SLC26A11: variants seen among roughly 807,000 people sequenced by gnomAD.
SLC26A11 encodes sodium-independent sulfate anion transporter.
In SLC26A11, 58 loss-of-function variants were observed where a neutral mutation model predicts 62.2. The ratio of observed to expected loss-of-function variants is 0.93; its 90% CI spans 0.76 to 1.16. The LOEUF is 1.16. Ranked by LOEUF, SLC26A11 falls within the 50% of genes most tolerant of loss-of-function variation. The probability of loss-of-function intolerance (pLI) is 0.00; values close to 1 mark genes in which losing one functional copy is unlikely to be tolerated. For missense variants in SLC26A11, 790 were observed against 794.3 expected (o/e 0.99, Z 0.06); for synonymous variants, 411 against 368.9 (o/e 1.11, Z -1.31).
At chr17:80,237,310 G>A in intron 8 of SLC26A11, 1 of 763,392 alleles carries the variant, frequency 1.3e-6, no homozygotes, top group South Asian at 1.9e-5. Flanking sequence ...GTGTTCAGGG[G>A]CGCTTCTCCT....
intron 7 of SLC26A11, among the ~76,000 whole-genome samples, chr17:80,233,453 G>A (rs978321735): frequency 6.6e-5 from 10 of 152,214 alleles, no homozygotes; most frequent in East Asian, 3.9e-4. Context: ...ATTTATCCAC[G>A]TAGTCACTGT....
rs199576205 is a variant in SLC26A11, at chr17:80,224,336, AGT to A, written c.513+1003_513+1004del. ...GAGAGTGTGAGTGTGTATGAGTGAG[AGT>A]GTGAGAGTGGGTGTGGGTGTGAGGG... On this transcript the variant is annotated intron_variant, in intron 5 of 17. Coordinates refer to ENST00000361193, the MANE Select transcript of SLC26A11 (RefSeq NM_001166347.2). Among the ~76,000 whole-genome samples the A allele has an allele frequency of 3.0e-3, 426 of 140,168 alleles. 1 individual carries two copies. The highest frequency in any genetic ancestry group is 6.5e-3 in the Admixed American group (91 of 14,006). 92.0% of individuals were successfully genotyped at this position (140,168 alleles called of 152,430 possible).
intron 7 of SLC26A11, among the ~76,000 whole-genome samples, chr17:80,231,917 G>A (rs543122023): frequency 6.6e-6 from 1 of 152,256 alleles, no homozygotes; most frequent in African/African-American, 2.4e-5. Context: ...GCCATTATTG[G>A]GTGGAATGTT....
At chr17:80,231,228 T>C (rs935893680) in intron 7 of SLC26A11, among the ~76,000 whole-genome samples, 1 of 150,384 alleles carries the variant, frequency 6.6e-6, no homozygotes, top group Non-Finnish European at 1.5e-5. Flanking sequence ...AATGGTGTGA[T>C]CTCAGCTCAC....
Position 80,222,700 on chromosome 17 carries a change from C to T in SLC26A11, c.280C>T (p.Leu94=), listed in dbSNP as rs745408210. The T allele has an allele frequency of 3.1e-6, 5 of 1,614,140 alleles. No individual in the cohort carries two copies. Among genetic ancestry groups the T allele is most frequent in the East Asian group, 2.2e-5 (1 of 44,872 alleles). The change falls in exon 4 of 18, where the codon CTG becomes TTG. Residue 94 remains leucine, a synonymous_variant. Transcript: ENST00000361193. This position sits in a 1 kb window ranked among gnomAD's most constrained non-coding sequence, Gnocchi z 4.7. ...CATGGGCTGCTTCGTGTATTTCTTC[C>T]TGGGCACCTCCCGGGATGTGACTCT... The part of the protein sequence containing the change: ...AFMGCFVYFF[L]GTSRDVTLGP...
At chr17:80,234,405 T>C (rs78595541) in intron 7 of SLC26A11, among the ~76,000 whole-genome samples, 59,886 of 151,992 alleles carry the variant, frequency 0.39, 11,888 homozygotes, top group South Asian at 0.46. Flanking sequence ...TTTTATCCAC[T>C]GCTTTTAAAA....
rs941516313 is a variant in SLC26A11 at position 80,246,272 on chromosome 17, G to T, written c.1153+63G>T. ...GAGAGTGGGAGAAAGGGAGGAGGGGGCCCACAGAGACGTCCCTTTGGCTCA... is the reference window on the plus strand; with the variant it reads ...GAGAGTGGGAGAAAGGGAGGAGGGGTCCCACAGAGACGTCCCTTTGGCTCA... On this transcript the variant is annotated intron_variant, in intron 12 of 17. Transcript: ENST00000361193. The surrounding 1 kb of genome is among the most constrained non-coding windows in gnomAD (Gnocchi z 4.4). The T allele has an allele frequency of 1.3e-6, 2 of 1,562,718 alleles. No individual in the cohort carries two copies. The highest frequency in any genetic ancestry group is 3.7e-5 in the Admixed American group (2 of 54,006).
At chr17:80,239,338 C>G (rs1176521279) in intron 9 of SLC26A11, among the ~76,000 whole-genome samples, 9 of 151,790 alleles carry the variant, frequency 5.9e-5, no homozygotes, top group Admixed American at 5.9e-4. Context: ...CTCAGCCTCC[C>G]AAAGTGCTGG....
intron 5 of SLC26A11, 68 bp from the exon 6 acceptor site, chr17:80,225,769 G>A: frequency 1.4e-6 from 2 of 1,380,830 alleles, no homozygotes; most frequent in Non-Finnish European, 1.0e-6. Flanking sequence ...GAGGTGGGCG[G>A]GGAGCTGGGG....
chr17:80,248,257 G>A lies in SLC26A11; in HGVS notation c.1422G>A (p.Lys474=). The change falls in exon 14 of 18, where the codon AAG becomes AAA. Residue 474 remains lysine, a splice_region_variant and synonymous_variant. Coordinates refer to ENST00000361193, the MANE Select transcript of SLC26A11 (RefSeq NM_001166347.2). The part of the protein sequence containing the change: ...LLHSAARPET[K]VSEGPVLVLQ... ...ACTCTGCAGCCAGGCCTGAGACCAA[G>A]GTACCCCTCCGTGGCCTCTGAGTGG... 1 of 1,607,676 alleles carries A rather than the reference G, an allele frequency of 6.2e-7. No homozygotes were observed. Among genetic ancestry groups the A allele is most frequent in the Non-Finnish European group, 8.5e-7 (1 of 1,178,622 alleles).
intron 7 of SLC26A11, among the ~76,000 whole-genome samples, chr17:80,229,440 G>GTTT (rs760343908): frequency 1.3e-5 from 2 of 151,648 alleles, no homozygotes; most frequent in African/African-American, 4.8e-5. Flanking sequence ...TTGTTTTTTG[G>GTTT]TTTTTTTTGG....
chr17:80,236,255 C>T (rs897114666), intron 7 of SLC26A11, among the ~76,000 whole-genome samples: 1 of 152,220 alleles, frequency 6.6e-6, no homozygotes, highest in African/African-American at 2.4e-5. Context: ...CTCTGCTGCA[C>T]ATCCGAGGGC....
At position 80,241,843 on chromosome 17, in the gene SLC26A11, G is replaced by A. The variant is rs369484583; in HGVS notation, c.1036+22G>A. On this transcript the variant is annotated intron_variant, in intron 10 of 17. Coordinates refer to ENST00000361193, the MANE Select transcript of SLC26A11 (RefSeq NM_001166347.2). ...ATCGGTAAGACCCCAGCCGCGGGAA[G>A]GAAGACACCAGCTGTGGGCCTCCAG... is the stretch of plus-strand genomic sequence containing the variant. The A allele has an allele frequency of 2.5e-5, 40 of 1,613,998 alleles. 1 individual carries two copies. The African/African-American group carries it at 4.9e-4, about 20-fold the overall frequency.
At chr17:80,242,667 C>T (rs867167799) in intron 10 of SLC26A11, among the ~76,000 whole-genome samples, 1 of 152,172 alleles carries the variant, frequency 6.6e-6, no homozygotes, top group African/African-American at 2.4e-5. Context: ...TACGTCTCTG[C>T]GGGCTGACTT....
At chr17:80,248,538 G>A (rs970563099) in intron 14 of SLC26A11, 37 bp from the exon 15 acceptor site, 11 of 1,539,394 alleles carry the variant, frequency 7.1e-6, no homozygotes, top group African/African-American at 4.1e-5. Context: ...GAGGCCACCC[G>A]GTCAGACCCG....
rs781650309 is a variant in SLC26A11, at chr17:80,245,230, C to T, written c.1071C>T (p.Ser357=). 1.9e-6 allele frequency: 3 copies of T among 1,613,982 alleles called. No homozygotes were observed. In the South Asian group the frequency reaches 3.3e-5, roughly 18 times the overall value. Reference sequence around the variant, plus strand: ...ACATGTTGGGCTCCCTCGTCTCCTCCTACCCGGTCACAGGCAGCTTTGGAC... The same window carrying T: ...ACATGTTGGGCTCCCTCGTCTCCTCTTACCCGGTCACAGGCAGCTTTGGAC... ...LTNMLGSLVS[S]YPVTGSFGRT... Residue 357 remains serine (S), a synonymous_variant, in exon 11 of 18, where the codon TCC becomes TCT. Coordinates refer to ENST00000361193, the MANE Select transcript of SLC26A11 (RefSeq NM_001166347.2).
chr17:80,234,068 G>A lies in SLC26A11; in HGVS notation c.737-2860G>A, dbSNP rs367794413. Among the ~76,000 whole-genome samples, 8 of 152,062 alleles carry A rather than the reference G, an allele frequency of 5.3e-5. 1 individual carries two copies. The South Asian group carries it at 8.3e-4, about 16-fold the overall frequency. On this transcript the variant is annotated intron_variant, in intron 7 of 17. Transcript: ENST00000361193. ...CACCCAGGCTGGAGTGCAGTGGCACGATCTTGGCTCACTGCAATCTCTGCC... is the reference window on the plus strand; with the variant it reads ...CACCCAGGCTGGAGTGCAGTGGCACAATCTTGGCTCACTGCAATCTCTGCC...
In SLC26A11 at chr17:80,236,949, C is replaced by A; in HGVS notation, c.758C>A (p.Ser253Tyr). ...ATTARNALVV[S>Y]FAALVAYSFE... ...CTAGCTCGCAACGCCCTGGTGGTCT[C>A]CTTCGCAGCCCTGGTTGCGTACTCC... The change falls in exon 8 of 18, where the codon TCC (serine) becomes TAC (tyrosine). Residue 253 changes from serine to tyrosine, a missense_variant. Ser to Tyr is a moderately radical substitution (Grantham distance 144, BLOSUM62 -2). Transcript: ENST00000361193. 6.2e-7 allele frequency: 1 copy of A among 1,613,352 alleles called. No homozygotes were observed. The highest frequency in any genetic ancestry group is 8.5e-7 in the Non-Finnish European group (1 of 1,179,380).
At position 80,239,677 on chromosome 17, in the gene SLC26A11, G is replaced by A. The variant is rs147306300; in HGVS notation, c.985+2083G>A. On this transcript the variant is annotated intron_variant, in intron 9 of 17. Coordinates refer to ENST00000361193, the MANE Select transcript of SLC26A11 (RefSeq NM_001166347.2). ...CAGGCGTGAGCCACTGTGCCCGGCCGTAATTTTTTAATTGTAGAGACAAGG... is the reference window on the plus strand; with the variant it reads ...CAGGCGTGAGCCACTGTGCCCGGCCATAATTTTTTAATTGTAGAGACAAGG... 1.6e-3 allele frequency among the ~76,000 whole-genome samples: 241 copies of A among 151,962 alleles called. 2 individuals are homozygous for A. The highest frequency in any genetic ancestry group is 5.6e-3 in the African/African-American group (232 of 41,456).
Sources: allele counts gnomAD v4.1 joint callset (sites outside exome capture counted in the v4.1 genomes callset), GRCh38; gene constraint gnomAD v4.1.1; non-coding constraint Gnocchi (gnomAD v3.1); transcripts MANE v1.5; gene names NCBI Gene and HGNC (gene_info 2026-07-23, HGNC 2026-07-21).